Variants in RGS5 observed in about 807,000 individuals in gnomAD.
The protein encoded by RGS5 is regulator of G-protein signalling 5.
RGS5 carries 20 observed loss-of-function variants against 18.9 expected under a neutral mutation model. The ratio of observed to expected loss-of-function variants is 1.06; its 90% confidence interval spans 0.74 to 1.54. The LOEUF is 1.54. RGS5 is among the 40% of genes most tolerant of loss of function. The probability of loss-of-function intolerance (pLI) is 0.00; values close to 1 mark genes in which losing one functional copy is unlikely to be tolerated. For synonymous variants in RGS5, 57 were observed against 76.2 expected, an observed-to-expected ratio of 0.75 and a Z score of 1.31; for missense variants, 201 against 211.8, an observed-to-expected ratio of 0.95 and a Z score of 0.32.
intron 2 of RGS5, among the ~76,000 whole-genome samples, chr1:163,163,868 C>T (rs368434870): frequency 1.3e-5 from 2 of 152,190 alleles, no homozygotes; most frequent in Non-Finnish European, 2.9e-5. Context: ...TAAATGAAAT[C>T]ACTTTCCTGC....
chr1:163,297,044 C>T (rs561669605), intron 2 of RGS5, among the ~76,000 whole-genome samples: 1 of 152,274 alleles, frequency 6.6e-6, no homozygotes, highest in South Asian at 2.1e-4. Flanking sequence ...TTTGCATAAT[C>T]ATCCTTATCT....
intron 2 of RGS5, among the ~76,000 whole-genome samples, chr1:163,276,221 C>T (rs1269560274): frequency 2.6e-5 from 4 of 151,970 alleles, no homozygotes; most frequent in Admixed American, 6.6e-5. Flanking sequence ...CTCGAACTCC[C>T]GACCTCAGGT....
At chr1:163,249,715 C>T (rs1313359721) in intron 2 of RGS5, among the ~76,000 whole-genome samples, 3 of 152,156 alleles carry the variant, frequency 2.0e-5, no homozygotes, top group Admixed American at 2.0e-4. Flanking sequence ...CGCTTGAAAC[C>T]AGGAGGCAGA....
intron 2 of RGS5, among the ~76,000 whole-genome samples, chr1:163,235,370 T>C (rs946941853): frequency 6.6e-6 from 1 of 152,144 alleles, no homozygotes. Flanking sequence ...GAAAAAGTAG[T>C]AGGATATTGG....
chr1:163,157,073 G>C (rs564448967), intron 3 of RGS5, among the ~76,000 whole-genome samples: 3 of 152,214 alleles, frequency 2.0e-5, no homozygotes, highest in African/African-American at 7.2e-5. Context: ...AGATGTGTCT[G>C]GATTCAGGCT....
intron 1 of RGS5, among the ~76,000 whole-genome samples, chr1:163,314,987 C>A (rs541914874): frequency 6.6e-6 from 1 of 152,102 alleles, no homozygotes; most frequent in Admixed American, 6.5e-5. Context: ...GCAGCCTGAA[C>A]GAACTAAGAC....
chr1:163,273,395 T>C (rs1202731951), intron 2 of RGS5, among the ~76,000 whole-genome samples: 3 of 152,148 alleles, frequency 2.0e-5, no homozygotes, highest in Non-Finnish European at 2.9e-5. Context: ...GCTTCACATA[T>C]TCTGGGACAC....
intron 2 of RGS5, among the ~76,000 whole-genome samples, chr1:163,282,010 A>C (rs1217299094): frequency 6.6e-6 from 1 of 151,974 alleles, no homozygotes; most frequent in Non-Finnish European, 1.5e-5. Context: ...TTGTAGGCAA[A>C]GATATTATGG....
intron 1 of RGS5, among the ~76,000 whole-genome samples, chr1:163,215,982 A>G (rs1660208216): frequency 6.6e-6 from 1 of 152,154 alleles, no homozygotes; most frequent in Non-Finnish European, 1.5e-5. Context: ...AAACCTTTTT[A>G]GAGAAAAAGT....
At chr1:163,185,162 C>CA (rs1407981164) in intron 1 of RGS5, among the ~76,000 whole-genome samples, 1 of 151,972 alleles carries the variant, frequency 6.6e-6, no homozygotes, top group African/African-American at 2.4e-5. Flanking sequence ...CTCCTAAACC[C>CA]AAAAGCTCAA....
intron 1 of RGS5, among the ~76,000 whole-genome samples, chr1:163,199,550 G>GA (rs532791609): frequency 6.6e-6 from 1 of 151,912 alleles, no homozygotes; most frequent in South Asian, 2.1e-4. Flanking sequence ...TAATCTTATG[G>GA]AAAAAAACTT....
At chr1:163,215,210 A>G (rs950546348) in intron 1 of RGS5, among the ~76,000 whole-genome samples, 1 of 152,156 alleles carries the variant, frequency 6.6e-6, no homozygotes, top group Non-Finnish European at 1.5e-5. Context: ...CATGTATTTC[A>G]TCGTATATAG....
chr1:163,162,075 G>T, intron 2 of RGS5, 99 bp from the exon 3 acceptor site: 2 of 827,592 alleles, frequency 2.4e-6, no homozygotes, highest in Non-Finnish European at 4.2e-6. Flanking sequence ...AGATGGAAAT[G>T]ATATGACTGC....
intron 2 of RGS5, among the ~76,000 whole-genome samples, chr1:163,280,018 T>A (rs1021672319): frequency 1.3e-5 from 2 of 151,954 alleles, no homozygotes; most frequent in African/African-American, 4.8e-5. Flanking sequence ...TAATAAAAAA[T>A]TTCCCTTCTC....
intron 2 of RGS5, among the ~76,000 whole-genome samples, chr1:163,299,099 G>T (rs1386010526): frequency 6.6e-6 from 1 of 152,136 alleles, no homozygotes; most frequent in Admixed American, 6.6e-5. Flanking sequence ...CTGCAGAGAT[G>T]AGAAAAGGAG....
At chr1:163,167,044 T>C (rs145435258) in intron 2 of RGS5, among the ~76,000 whole-genome samples, 10 of 132,352 alleles carry the variant, frequency 7.6e-5, no homozygotes, top group Admixed American at 8.1e-5. Flanking sequence ...ACTTCCTGTT[T>C]AGAATCACTT....
At chr1:163,244,864 A>AT in intron 2 of RGS5, 1 of 152,296 alleles carries the variant, frequency 6.6e-6, no homozygotes, top group East Asian at 1.9e-4. Flanking sequence ...TGAAGACAGC[A>AT]TTGTCCTGGG....
intron 2 of RGS5, among the ~76,000 whole-genome samples, chr1:163,288,489 G>A (rs146060107): frequency 2.1e-4 from 32 of 152,200 alleles, no homozygotes; most frequent in Middle Eastern, 3.4e-3. Context: ...GGACCTCTCC[G>A]AAGCATTTGA....
intron 2 of RGS5, among the ~76,000 whole-genome samples, chr1:163,253,047 A>C (rs1648155898): frequency 6.6e-6 from 1 of 152,192 alleles, no homozygotes; most frequent in Non-Finnish European, 1.5e-5. Flanking sequence ...ACTAAACAAT[A>C]GGTATGATTT....
Sources: gnomAD v4.1 joint callset for allele counts (sites outside exome capture counted in the v4.1 genomes callset) on GRCh38, gnomAD v4.1.1 for gene constraint, MANE v1.5 for transcripts, NCBI Gene and HGNC (gene_info 2026-07-23, HGNC 2026-07-21) for gene names.